Variants in AGBL1 observed in about 807,000 individuals in gnomAD.
The protein encoded by AGBL1 is AGBL carboxypeptidase 1.
Under a neutral mutation model 118.9 loss-of-function variants are expected in AGBL1, and 130 were observed. That is an observed-to-expected ratio of 1.09 (90% CI 0.95 to 1.26). The LOEUF is 1.26. Among genes scored for constraint, AGBL1 ranks in the 50% most tolerant of loss-of-function variants. The probability of loss-of-function intolerance (pLI) is 0.00; values close to 1 mark genes in which losing one functional copy is unlikely to be tolerated. For synonymous variants in AGBL1, 555 were observed against 478.9 expected (o/e 1.16, Z -2.08); for missense variants, 1,584 against 1,298.1 (o/e 1.22, Z -3.38).
chr15:86,143,283 G>T (rs530516538), intron 2 of AGBL1, among the ~76,000 whole-genome samples: 7 of 152,188 alleles, frequency 4.6e-5, no homozygotes, highest in African/African-American at 1.4e-4. Flanking sequence ...TCCAGATTAG[G>T]CCATCATCCC....
At chr15:86,369,307 T>A (rs1255865448) in intron 17 of AGBL1, among the ~76,000 whole-genome samples, 1 of 152,220 alleles carries the variant, frequency 6.6e-6, no homozygotes, top group Non-Finnish European at 1.5e-5. Flanking sequence ...TAATGGGTAC[T>A]TAAAATATGT....
intron 19 of AGBL1, among the ~76,000 whole-genome samples, chr15:86,543,408 G>C (rs1381433991): frequency 6.6e-6 from 1 of 152,102 alleles, no homozygotes; most frequent in African/African-American, 2.4e-5. Context: ...TTGTGTTTTA[G>C]AGAAATTAAA....
chr15:86,593,414 T>C (rs1419128699), intron 21 of AGBL1, among the ~76,000 whole-genome samples: 1 of 152,120 alleles, frequency 6.6e-6, no homozygotes, highest in Non-Finnish European at 1.5e-5. Flanking sequence ...AGACAGCAGT[T>C]ATTTAACCAT....
intron 16 of AGBL1, among the ~76,000 whole-genome samples, chr15:86,290,988 A>G (rs1017905879): frequency 5.9e-5 from 9 of 152,162 alleles, no homozygotes; most frequent in African/African-American, 1.7e-4. Flanking sequence ...ATGATTTCCA[A>G]TTTCATCCAT....
intron 23 of AGBL1, among the ~76,000 whole-genome samples, chr15:86,930,220 A>G (rs2080589308): frequency 6.6e-6 from 1 of 152,194 alleles, no homozygotes; most frequent in Admixed American, 6.5e-5. Context: ...TTAACTGCTG[A>G]TAGGGTGACT....
chr15:86,743,265 C>T (rs908319072), intron 22 of AGBL1, among the ~76,000 whole-genome samples: 3 of 151,968 alleles, frequency 2.0e-5, no homozygotes, highest in Non-Finnish European at 4.4e-5. Flanking sequence ...ATTTTTGACC[C>T]AACATTTGTT....
intron 22 of AGBL1, among the ~76,000 whole-genome samples, chr15:86,722,741 G>T (rs749828941): frequency 3.9e-5 from 6 of 152,002 alleles, no homozygotes; most frequent in East Asian, 1.9e-4. Context: ...TGGGAGAAAA[G>T]TTTTGCAATC....
intron 16 of AGBL1, among the ~76,000 whole-genome samples, chr15:86,283,131 T>C (rs952478334): frequency 2.6e-5 from 4 of 152,068 alleles, no homozygotes; most frequent in Non-Finnish European, 5.9e-5. Flanking sequence ...AAGCTCTATT[T>C]TAATCAGCCG....
chr15:86,661,017 G>T (rs547695369), intron 21 of AGBL1, among the ~76,000 whole-genome samples: 1 of 152,246 alleles, frequency 6.6e-6, no homozygotes, highest in South Asian at 2.1e-4. Flanking sequence ...AAACAGTATG[G>T]ACTTAACTGC....
chr15:86,385,596 C>T (rs1272710032), intron 17 of AGBL1, among the ~76,000 whole-genome samples: 3 of 152,212 alleles, frequency 2.0e-5, no homozygotes, highest in Admixed American at 1.3e-4. Flanking sequence ...AGTGGGAGTT[C>T]TTTGAGGACA....
At chr15:86,859,004 C>T (rs2079524165) in intron 22 of AGBL1, among the ~76,000 whole-genome samples, 1 of 152,140 alleles carries the variant, frequency 6.6e-6, no homozygotes, top group South Asian at 2.1e-4. Flanking sequence ...ATATACCTTC[C>T]AAATGGTAGG....
chr15:86,181,223 C>A (rs1261652957), intron 5 of AGBL1, among the ~76,000 whole-genome samples: 1 of 152,196 alleles, frequency 6.6e-6, no homozygotes. Context: ...TACAAATTTT[C>A]ATTGCTTCAT....
chr15:86,516,154 A>G (rs1164048657), intron 18 of AGBL1, among the ~76,000 whole-genome samples: 1 of 152,208 alleles, frequency 6.6e-6, no homozygotes, highest in Admixed American at 6.5e-5. Flanking sequence ...GTGAAACAAC[A>G]GGGCAGAGAA....
chr15:86,967,872 G>T (rs1596686358), intron 23 of AGBL1, among the ~76,000 whole-genome samples: 1 of 152,030 alleles, frequency 6.6e-6, no homozygotes, highest in East Asian at 1.9e-4. Context: ...GAAAGTCATT[G>T]GTAGCTTGAT....
intron 21 of AGBL1, among the ~76,000 whole-genome samples, chr15:86,619,125 A>G (rs1215937421): frequency 6.6e-6 from 1 of 152,080 alleles, no homozygotes; most frequent in Non-Finnish European, 1.5e-5. Flanking sequence ...AAGCTAATAT[A>G]TATATATCAA....
rs191180751 is a variant in AGBL1 at position 86,124,095 on chromosome 15, C to T, written c.52-17909C>T. Among the ~76,000 whole-genome samples the T allele has an allele frequency of 2.8e-3, 420 of 152,076 alleles. 5 individuals are homozygous for T. The South Asian group carries it at 0.046, about 17-fold the overall frequency. ...TTAGAATCCTAGCACTTTGGGAGGC[C>T]GAGGCAGGCAGATCACTTGAGGCCA... is the stretch of plus-strand genomic sequence containing the variant. On this transcript the variant is annotated intron_variant, in intron 1 of 22. Transcript: ENST00000614907.
At chr15:86,465,814 C>T (rs1463965948) in intron 18 of AGBL1, among the ~76,000 whole-genome samples, 1 of 152,142 alleles carries the variant, frequency 6.6e-6, no homozygotes, top group East Asian at 1.9e-4. Context: ...GGGACATGGA[C>T]CTTCATCAGT....
rs1158545851 is a variant in AGBL1 at position 86,913,286 on chromosome 15, C to T, written c.*5992C>T. The stretch of plus-strand genomic sequence containing the variant: ...GGAAGGTTGATCCTCAGACACATGA[C>T]ACATGTTCATACAGGTGAGGGGCAG... On this transcript the variant is annotated 3_prime_UTR_variant, in exon 23 of 23. Coordinates refer to ENST00000614907, the MANE Select transcript of AGBL1 (RefSeq NM_001386094.1). The T allele has an allele frequency of 6.6e-6, 1 of 152,128 alleles. No homozygotes were observed. Among genetic ancestry groups the T allele is most frequent in the Non-Finnish European group, 1.5e-5 (1 of 68,098 alleles). The allele number at this position is 152,128 out of a possible 1,614,324, so 9.4% of individuals were successfully genotyped here.
chr15:86,479,934 A>G (rs2082626637), intron 18 of AGBL1, among the ~76,000 whole-genome samples: 1 of 152,220 alleles, frequency 6.6e-6, no homozygotes, highest in Non-Finnish European at 1.5e-5. Flanking sequence ...TATCCTTTGT[A>G]GGGACATGGA....
Sources: allele counts gnomAD v4.1 joint callset (sites outside exome capture counted in the v4.1 genomes callset), GRCh38; gene constraint gnomAD v4.1.1; transcripts MANE v1.5; gene names NCBI Gene and HGNC (gene_info 2026-07-23, HGNC 2026-07-21).